The following GPSM2 variants were observed in gnomAD, a reference collection of about 807,000 sequenced individuals.
The protein encoded by GPSM2 is G protein-signaling modulator 2.
Under a neutral mutation model 78.4 loss-of-function variants are expected in GPSM2, and 58 were observed. That is an observed-to-expected ratio of 0.74 (90% CI 0.60 to 0.92). The LOEUF (loss-of-function observed/expected upper bound fraction) is 0.92. Ranked by LOEUF, GPSM2 falls within the 40% of genes least tolerant of loss-of-function variation. The pLI is 0.00. For missense variants in GPSM2, 700 were observed against 815.5 expected (o/e 0.86, Z 1.73); for synonymous variants, 224 against 280.2 (o/e 0.80, Z 2.00).
chr1:108,920,144 G>C (rs1292917497), intron 12 of GPSM2, among the ~76,000 whole-genome samples: 1 of 151,542 alleles, frequency 6.6e-6, no homozygotes, highest in African/African-American at 2.4e-5. Flanking sequence ...TCCAACCTGG[G>C]TGACAGAGTG....
chr1:108,893,395 C>G (rs368369613), intron 2 of GPSM2, among the ~76,000 whole-genome samples: 1 of 152,128 alleles, frequency 6.6e-6, no homozygotes, highest in East Asian at 1.9e-4. Flanking sequence ...TGAAATGATG[C>G]GCCATCATTA....
chr1:108,917,609 CACATATATATATATATATATAT>C (rs1650337728), intron 11 of GPSM2, among the ~76,000 whole-genome samples: 2 of 90,192 alleles, frequency 2.2e-5, no homozygotes, highest in Non-Finnish European at 5.0e-5. Flanking sequence ...CACACACACA[CACATATATATATATATATATAT>C]ATATATATAT....
intron 10 of GPSM2, chr1:108,909,862 C>T (rs1302409399): frequency 1.4e-5 from 2 of 140,400 alleles, no homozygotes; most frequent in Non-Finnish European, 3.0e-5. Context: ...GAGATCACAC[C>T]ACTGCACTCC....
At position 108,893,162 on chromosome 1, in the gene GPSM2, A is replaced by C. The variant is rs576190546; in HGVS notation, c.57-3702A>C. Reference sequence around the variant, plus strand: ...ATGGTTCCAGTAAAATGTTCTGTAAACTTAAATCCAGAAGATCAGTCATTT... The same window carrying C: ...ATGGTTCCAGTAAAATGTTCTGTAACCTTAAATCCAGAAGATCAGTCATTT... On this transcript the variant is annotated intron_variant, in intron 2 of 14. Transcript: ENST00000264126. Among the ~76,000 whole-genome samples the C allele has an allele frequency of 2.3e-4, 35 of 152,332 alleles. No individual in the cohort carries two copies. The South Asian group carries it at 7.2e-3, about 32-fold the overall frequency.
chr1:108,903,324 G>A, intron 9 of GPSM2, 90 bp downstream of exon 9: 1 of 724,140 alleles, frequency 1.4e-6, no homozygotes, highest in Non-Finnish European at 2.5e-6. Context: ...GATTGATCAT[G>A]TGGCTGAATA....
At chr1:108,886,891 T>C (rs1647592265) in intron 2 of GPSM2, among the ~76,000 whole-genome samples, 2 of 151,194 alleles carry the variant, frequency 1.3e-5, no homozygotes, top group African/African-American at 4.9e-5. Context: ...TTTGTGTTTT[T>C]GTTTTTTTTT....
chr1:108,902,676 C>G (rs750611078), intron 8 of GPSM2, among the ~76,000 whole-genome samples: 5 of 152,086 alleles, frequency 3.3e-5, no homozygotes, highest in Non-Finnish European at 7.4e-5. Context: ...TTTAGAAGAT[C>G]GATTTTGTTT....
At chr1:108,917,936 A>G (rs1650401430) in intron 11 of GPSM2, among the ~76,000 whole-genome samples, 1 of 151,890 alleles carries the variant, frequency 6.6e-6, no homozygotes, top group South Asian at 2.1e-4. Context: ...CTGTAATTTT[A>G]CCTACGAAAA....
At chr1:108,885,612 A>G in intron 2 of GPSM2, 34 bp downstream of exon 2, 1 of 1,291,632 alleles carries the variant, frequency 7.7e-7, no homozygotes, top group East Asian at 2.3e-5. Context: ...GATGACTTTT[A>G]ATCCTTATTT....
Position 108,915,490 on chromosome 1 carries a change from G to A in GPSM2, c.1263+1082G>A, listed in dbSNP as rs533746687. Among the ~76,000 whole-genome samples the A allele has an allele frequency of 4.1e-3, 612 of 149,682 alleles. 6 individuals carry two copies. The highest frequency in any genetic ancestry group is 0.014 in the African/African-American group (588 of 40,736). On this transcript the variant is annotated intron_variant, in intron 11 of 14. Transcript: ENST00000264126. ...TGGCCAGGCTGGAGTGCAGTGGCGC[G>A]ATCTCAGCTCACTGCACCCTCCACC...
At chr1:108,914,451 A>C (rs745792600) in intron 11 of GPSM2, 43 bp downstream of exon 11, 3 of 1,269,210 alleles carry the variant, frequency 2.4e-6, no homozygotes, top group Non-Finnish European at 3.4e-6. Context: ...GAACTATTAT[A>C]AAATGTTTTA....
intron 11 of GPSM2, among the ~76,000 whole-genome samples, chr1:108,916,271 AAG>A (rs1553215090): frequency 6.6e-6 from 1 of 151,896 alleles, no homozygotes; most frequent in African/African-American, 2.4e-5. Flanking sequence ...AAAAAAAAAA[AAG>A]AAAAAGGAAC....
Position 108,931,631 on chromosome 1 carries a change from A to G in GPSM2, c.*1691A>G. 1 of 1,045,174 alleles carries G rather than the reference A, an allele frequency of 9.6e-7. No individual in the cohort carries two copies. The highest frequency in any genetic ancestry group is 1.3e-6 in the Non-Finnish European group (1 of 779,934). 64.7% of individuals were successfully genotyped at this position (1,045,174 alleles called of 1,614,324 possible). A position where few individuals can be genotyped will look rare whatever the true frequency, so the allele number is the denominator to read the frequency against. On this transcript the variant is annotated 3_prime_UTR_variant, in exon 15 of 15. Coordinates refer to ENST00000264126, the MANE Select transcript of GPSM2 (RefSeq NM_013296.5). ...TTAATTACATTAAGTGCTCAGCTAAAAAAAAAAAAAAAGTTCTAAATTACA... is the reference window on the plus strand; with the variant it reads ...TTAATTACATTAAGTGCTCAGCTAAGAAAAAAAAAAAAGTTCTAAATTACA...
chr1:108,924,138 C>T lies in GPSM2; in HGVS notation c.1739C>T (p.Ser580Leu), dbSNP rs79730689. Residue 580 changes from serine to leucine, a missense_variant, in exon 14 of 15, where the codon TCG becomes TTG. Transcript: ENST00000264126. ...PGLRLTQNSQ[S>L]VLSHLMTNDN... ...CTTCGTCTAACACAAAACAGCCAGT[C>T]GGTACTTAGCCACCTGATGACTAAT... The T allele has an allele frequency of 2.7e-4, 440 of 1,613,632 alleles. 2 individuals are homozygous for T. The African/African-American group carries it at 5.0e-3, about 18-fold the overall frequency.
chr1:108,890,869 A>G (rs1001518699), intron 2 of GPSM2, among the ~76,000 whole-genome samples: 1 of 151,886 alleles, frequency 6.6e-6, no homozygotes, highest in African/African-American at 2.4e-5. Context: ...GATAGCAAGT[A>G]CAATTTAAGT....
chr1:108,887,643 C>A (rs1043586286), intron 2 of GPSM2, among the ~76,000 whole-genome samples: 1 of 152,206 alleles, frequency 6.6e-6, no homozygotes, highest in African/African-American at 2.4e-5. Context: ...CATTCTCATT[C>A]CTCACTCCTA....
At chr1:108,897,701 A>G (rs1023719207) in intron 4 of GPSM2, 74 bp downstream of exon 4, 78 of 1,276,606 alleles carry the variant, frequency 6.1e-5, no homozygotes, top group Non-Finnish European at 7.8e-5. Flanking sequence ...CTATTTAATT[A>G]TTCTATAGTT....
At position 108,931,364 on chromosome 1, in the gene GPSM2, A is replaced by G. The variant is rs1434230336; in HGVS notation, c.*1424A>G. On this transcript the variant is annotated 3_prime_UTR_variant, in exon 15 of 15. Coordinates refer to ENST00000264126, the MANE Select transcript of GPSM2 (RefSeq NM_013296.5). ...GATAACAAAGTAACTAACTAACTGT[A>G]GCAAAAGACAAGTATGGGACAGACT... is the stretch of plus-strand genomic sequence containing the variant. The G allele has an allele frequency of 6.4e-7, 1 of 1,551,170 alleles. No individual in the cohort carries two copies. The highest frequency in any genetic ancestry group is 2.0e-5 in the Admixed American group (1 of 50,992).
chr1:108,907,791 T>C (rs1022174249), intron 10 of GPSM2, among the ~76,000 whole-genome samples: 3 of 152,158 alleles, frequency 2.0e-5, no homozygotes. Context: ...GCAAGAGAGG[T>C]TAGGTAAATT....
Sources: allele counts gnomAD v4.1 joint callset (sites outside exome capture counted in the v4.1 genomes callset), GRCh38; gene constraint gnomAD v4.1.1; transcripts MANE v1.5; gene names NCBI Gene and HGNC (gene_info 2026-07-23, HGNC 2026-07-21).